Variants in TMPRSS5 observed in about 807,000 individuals in gnomAD.
TMPRSS5 encodes transmembrane protease serine 5.
In TMPRSS5, 45 loss-of-function variants were observed where a neutral mutation model predicts 59.7. The ratio of observed to expected loss-of-function variants is 0.75; its 90% CI spans 0.59 to 0.97. The LOEUF is 0.97. Among genes scored for constraint, TMPRSS5 ranks in the 50% least tolerant of loss-of-function variants. The pLI is 0.00. For missense variants in TMPRSS5, 585 were observed against 596.7 expected, an observed-to-expected ratio of 0.98 and a Z score of 0.20; for synonymous variants, 225 against 232.0, an observed-to-expected ratio of 0.97 and a Z score of 0.27.
At position 113,694,598 on chromosome 11, in the gene TMPRSS5, T is replaced by A; in HGVS notation, c.665A>T (p.Gln222Leu). The change falls in exon 8 of 13, where the codon CAG becomes CTG. Residue 222 changes from glutamine (Q) to leucine (L), a missense_variant. Physicochemically the swap from Gln to Leu is moderately radical, Grantham distance 113. Coordinates refer to ENST00000299882, the MANE Select transcript of TMPRSS5 (RefSeq NM_030770.4). ...RPLASRIVGG[Q>L]SVAPGRWPWQ... ...CGGCCAGCGCCCAGGAGCCACAGACTGCCCACCAACTATCCGGGAAGCCAG... is the reference window on the plus strand; with the variant it reads ...CGGCCAGCGCCCAGGAGCCACAGACAGCCCACCAACTATCCGGGAAGCCAG... 1 of 1,554,158 alleles carries A rather than the reference T, an allele frequency of 6.4e-7. No homozygotes were observed. The highest frequency in any genetic ancestry group is 1.4e-5 in the African/African-American group (1 of 73,110).
intron 1 of TMPRSS5, among the ~76,000 whole-genome samples, chr11:113,700,575 C>A (rs1414196154): frequency 1.3e-5 from 2 of 152,196 alleles, no homozygotes; most frequent in African/African-American, 4.8e-5. Context: ...CTCCACCATG[C>A]ACCCACCCAT....
Position 113,698,909 on chromosome 11 carries a change from T to G in TMPRSS5, c.324A>C (p.Lys108Asn), listed in dbSNP as rs1953006651. 1 of 1,586,888 alleles carries G rather than the reference T, an allele frequency of 6.3e-7. No homozygotes were observed. The highest frequency in any genetic ancestry group is 8.6e-7 in the Non-Finnish European group (1 of 1,166,776). Residue 108 changes from lysine to asparagine, a missense_variant, in exon 4 of 13, where the codon AAA (lysine) becomes AAC (asparagine). Lys to Asn is a moderately conservative substitution (Grantham distance 94, BLOSUM62 0). Transcript: ENST00000299882. The stretch of plus-strand genomic sequence containing the variant: ...AGCCTTAGGGGTGCAGCCCACCTGT[T>G]TTGGGAAGTGCAGGGAGCAGAGCTT... ...AEEALLPALP[K>N]TVSFRINSED...
chr11:113,688,137 G>A lies in TMPRSS5; in HGVS notation c.*123C>T. On this transcript the variant is annotated 3_prime_UTR_variant, in exon 13 of 13. Transcript: ENST00000299882. ...GGGTAGTGACTGTTCCTCACACACA[G>A]TAGTAGGAGGTCCATGCGTTCTGTG... 6.9e-7 allele frequency: 1 copy of A among 1,444,030 alleles called. No individual in the cohort carries two copies. The highest frequency in any genetic ancestry group is 9.1e-7 in the Non-Finnish European group (1 of 1,094,348). 89.5% of individuals were successfully genotyped at this position (1,444,030 alleles called of 1,614,324 possible).
intron 4 of TMPRSS5, 144 bp from the exon 5 acceptor site, chr11:113,697,562 G>A (rs906985964): frequency 5.6e-5 from 51 of 911,792 alleles, no homozygotes; most frequent in Middle Eastern, 2.9e-4. Flanking sequence ...CCTGCTCCCC[G>A]GAGAGTGAGA....
chr11:113,700,674 G>C (rs769771054), intron 1 of TMPRSS5, among the ~76,000 whole-genome samples: 5 of 152,104 alleles, frequency 3.3e-5, no homozygotes, highest in Admixed American at 6.6e-5. Flanking sequence ...AAACCAACGT[G>C]GACCACTCCC....
chr11:113,699,983 C>A, intron 2 of TMPRSS5, 83 bp downstream of exon 2: 2 of 1,548,000 alleles, frequency 1.3e-6, no homozygotes, highest in South Asian at 1.2e-5. Context: ...TGGGGCTGAC[C>A]CCAAGGAGGA....
chr11:113,699,286 T>TCC lies in TMPRSS5; in HGVS notation c.206-260_206-259insGG, dbSNP rs1565263959. 1.7e-4 allele frequency among the ~76,000 whole-genome samples: 21 copies of TCC among 124,690 alleles called. 1 individual carries two copies. In the East Asian group the frequency reaches 3.6e-3, roughly 21 times the overall value. The allele number at this position is 124,690 out of a possible 152,430, so 81.8% of individuals were successfully genotyped here. On this transcript the variant is annotated intron_variant, in intron 3 of 12. Transcript: ENST00000299882. ...CTCTCTCTCTCCCTCTCTCTCTCTC[T>TCC]CTCTCTGTCTCTCTCTCTCTCTAGC...
At chr11:113,699,215 C>CTG (rs1953024910) in intron 3 of TMPRSS5, among the ~76,000 whole-genome samples, 188 bp from the exon 4 acceptor site, 2 of 20,464 alleles carry the variant, frequency 9.8e-5, no homozygotes, top group African/African-American at 4.0e-4. Flanking sequence ...CTGTCTGTCT[C>CTG]TCTCTCTCTC....
chr11:113,693,239 C>T lies in TMPRSS5; in HGVS notation c.796G>A (p.Ala266Thr), dbSNP rs1591376678. 1.9e-6 allele frequency: 3 copies of T among 1,565,696 alleles called. No individual in the cohort carries two copies. Among genetic ancestry groups the T allele is most frequent in the Non-Finnish European group, 1.7e-6 (2 of 1,154,120 alleles). The part of the protein sequence containing the change: ...AAHCMHSFRL[A>T]RLSSWRVHAG... Reference sequence around the variant, plus strand: ...TGAACCCGCCAGCTGGACAGGCGGGCCAGCCTGAAACTGCACACAGGGGCC... The same window carrying T: ...TGAACCCGCCAGCTGGACAGGCGGGTCAGCCTGAAACTGCACACAGGGGCC... The change falls in exon 9 of 13, where the codon GCC becomes ACC. Residue 266 changes from alanine to threonine, a missense_variant. Physicochemically the swap from Ala to Thr is moderately conservative, Grantham distance 58. Transcript: ENST00000299882.
intron 9 of TMPRSS5, among the ~76,000 whole-genome samples, chr11:113,691,631 T>C (rs1565255770): frequency 6.6e-6 from 1 of 152,176 alleles, no homozygotes; most frequent in Admixed American, 6.5e-5. Context: ...GTAAGTAATA[T>C]AGGTTCTCTA....
intron 8 of TMPRSS5, 47 bp downstream of exon 8, chr11:113,694,431 G>C (rs1952868309): frequency 6.5e-7 from 1 of 1,543,740 alleles, no homozygotes; most frequent in East Asian, 2.5e-5. Context: ...CAGCCGAACA[G>C]AAAGGGCAAC....
chr11:113,702,800 C>G (rs947863965), intron 1 of TMPRSS5, among the ~76,000 whole-genome samples: 9 of 152,336 alleles, frequency 5.9e-5, no homozygotes, highest in African/African-American at 2.2e-4. Flanking sequence ...AGGGTGCAAG[C>G]CCAAGCCTTG....
At chr11:113,695,344 A>G (rs548270636) in intron 7 of TMPRSS5, 56 bp downstream of exon 7, 2 of 1,594,760 alleles carry the variant, frequency 1.3e-6, no homozygotes, top group Non-Finnish European at 8.6e-7. Context: ...CACTTGAGGC[A>G]GGGGGAACAC....
In TMPRSS5 at chr11:113,694,643, G is replaced by A. The variant is rs1414386205; in HGVS notation, c.623-3C>T. On this transcript the variant is annotated splice_region_variant and splice_polypyrimidine_tract_variant and intron_variant, in intron 7 of 12. Coordinates refer to ENST00000299882, the MANE Select transcript of TMPRSS5 (RefSeq NM_030770.4). ...AGCCAGGGGCCTCGCTCCACACTCT[G>A]CCAACAGAGATGGGTGAGATAGAAA... is the stretch of plus-strand genomic sequence containing the variant. 3 of 1,539,958 alleles carry A rather than the reference G, an allele frequency of 1.9e-6. No individual in the cohort carries two copies. The highest frequency in any genetic ancestry group is 2.6e-6 in the Non-Finnish European group (3 of 1,142,912).
Position 113,690,799 on chromosome 11 carries a change from C to T in TMPRSS5, c.1063+42G>A. On this transcript the variant is annotated intron_variant, in intron 10 of 12. Coordinates refer to ENST00000299882, the MANE Select transcript of TMPRSS5 (RefSeq NM_030770.4). ...GCCTCACCCTGGGGAAGAATGCCTC[C>T]CACACCCGCCCCTGCACCGAGGGCC... The T allele has an allele frequency of 6.5e-7, 1 of 1,530,008 alleles. No individual in the cohort carries two copies. Among genetic ancestry groups the T allele is most frequent in the Non-Finnish European group, 8.9e-7 (1 of 1,126,838 alleles). 94.8% of individuals were successfully genotyped at this position (1,530,008 alleles called of 1,614,324 possible).
At chr11:113,702,794 T>G (rs1953179236) in intron 1 of TMPRSS5, among the ~76,000 whole-genome samples, 1 of 152,184 alleles carries the variant, frequency 6.6e-6, no homozygotes, top group South Asian at 2.1e-4. Flanking sequence ...CTTCAGAGGG[T>G]GCAAGCCCAA....
intron 6 of TMPRSS5, among the ~76,000 whole-genome samples, chr11:113,696,097 T>A (rs1324186984): frequency 6.6e-6 from 1 of 152,038 alleles, no homozygotes; most frequent in East Asian, 1.9e-4. Context: ...CCTACTTCCA[T>A]TTTCCCATTC....
intron 2 of TMPRSS5, 108 bp from the exon 3 acceptor site, chr11:113,699,801 A>G: frequency 7.2e-7 from 1 of 1,398,478 alleles, no homozygotes; most frequent in South Asian, 1.3e-5. Context: ...CTCCAACAGG[A>G]CACCTCCTCC....
chr11:113,699,961 C>G, intron 2 of TMPRSS5, 105 bp downstream of exon 2: 1 of 1,543,462 alleles, frequency 6.5e-7, no homozygotes, highest in Non-Finnish European at 8.7e-7. Context: ...CAGCCTCTCA[C>G]CATCAATCAT....
Sources: gnomAD v4.1 joint callset for allele counts (sites outside exome capture counted in the v4.1 genomes callset) on GRCh38, gnomAD v4.1.1 for gene constraint, MANE v1.5 for transcripts, NCBI Gene and HGNC (gene_info 2026-07-23, HGNC 2026-07-21) for gene names.